The following SENP7 variants were observed in gnomAD, a reference collection of about 807,000 sequenced individuals.
SENP7 encodes the protein SUMO specific peptidase 7, also known as sentrin-specific protease 7.
A neutral mutation model predicts 141.2 loss-of-function variants in SENP7; 64 were observed. That is an observed-to-expected ratio of 0.45 (90% CI 0.37 to 0.56). The LOEUF (loss-of-function observed/expected upper bound fraction) is 0.56, where lower values mean the gene tolerates loss of function less well. Among genes scored for constraint, SENP7 ranks in the 20% least tolerant of loss-of-function variants. SENP7 has a pLI of 0.00. For synonymous variants in SENP7, 382 were observed against 426.4 expected, an observed-to-expected ratio of 0.90 and a Z score of 1.28; for missense variants, 1,025 against 1,212.2, an observed-to-expected ratio of 0.85 and a Z score of 2.29.
At chr3:101,437,512 CA>C (rs1445329928) in intron 4 of SENP7, among the ~76,000 whole-genome samples, 3 of 151,604 alleles carry the variant, frequency 2.0e-5, no homozygotes, top group African/African-American at 7.3e-5. Context: ...TATGTACCCA[CA>C]AAAAAATTTT....
chr3:101,437,512 C>T (rs7648141), intron 4 of SENP7, among the ~76,000 whole-genome samples: 1 of 151,604 alleles, frequency 6.6e-6, no homozygotes, highest in African/African-American at 2.4e-5. Flanking sequence ...TATGTACCCA[C>T]AAAAAAATTT....
chr3:101,357,642 G>T, intron 11 of SENP7: 1 of 785,302 alleles, frequency 1.3e-6, no homozygotes, highest in Non-Finnish European at 2.2e-6. Context: ...GGTTATAATG[G>T]ACTTAACCAA....
chr3:101,476,176 G>A (rs2064206280), intron 3 of SENP7, among the ~76,000 whole-genome samples: 1 of 152,062 alleles, frequency 6.6e-6, no homozygotes, highest in African/African-American at 2.4e-5. Context: ...AAGTATACAT[G>A]TGCCATGGTG....
In SENP7 at chr3:101,417,862, A is replaced by G. The variant is rs60767223; in HGVS notation, c.285-72T>C. 3.1e-3 allele frequency: 3,701 copies of G among 1,209,942 alleles called. 77 individuals carry two copies. The East Asian group carries it at 0.049, about 16-fold the overall frequency. The allele number at this position is 1,209,942 out of a possible 1,614,324, so 75.0% of individuals were successfully genotyped here. A position where few individuals can be genotyped will look rare whatever the true frequency, so the allele number is the denominator to read the frequency against. ...GAATACATGAATTCATCACAAACTA[A>G]TATCTCCAGAAACTGTAAACTTCAG... On this transcript the variant is annotated intron_variant, in intron 4 of 23. Transcript: ENST00000394095.
At chr3:101,486,084 A>G (rs2064715622) in intron 3 of SENP7, among the ~76,000 whole-genome samples, 1 of 152,184 alleles carries the variant, frequency 6.6e-6, no homozygotes, top group Non-Finnish European at 1.5e-5. Flanking sequence ...AGAAAATATG[A>G]ACAGAGTCTC....
intron 5 of SENP7, among the ~76,000 whole-genome samples, chr3:101,399,423 G>C: frequency 6.6e-6 from 1 of 152,090 alleles, no homozygotes; most frequent in South Asian, 2.1e-4. Flanking sequence ...AGAAATCTTT[G>C]TTCTTCTCAT....
chr3:101,413,187 ATCTT>A (rs767288862), intron 5 of SENP7, among the ~76,000 whole-genome samples: 6 of 152,186 alleles, frequency 3.9e-5, no homozygotes, highest in Non-Finnish European at 5.9e-5. Context: ...TCTCCCTCTT[ATCTT>A]TCTAAAATTT....
At chr3:101,365,887 G>C (rs1283889353) in intron 9 of SENP7, among the ~76,000 whole-genome samples, 1 of 152,098 alleles carries the variant, frequency 6.6e-6, no homozygotes, top group East Asian at 1.9e-4. Context: ...ACAAATTCTA[G>C]TTCTAACAGT....
intron 11 of SENP7, 54 bp downstream of exon 11, chr3:101,361,660 TA>T: frequency 6.9e-7 from 1 of 1,449,290 alleles, no homozygotes. Flanking sequence ...GGAAAAAAAT[TA>T]AAATGCCTTG....
chr3:101,373,680 C>T (rs2060240963), intron 6 of SENP7, among the ~76,000 whole-genome samples: 1 of 152,048 alleles, frequency 6.6e-6, no homozygotes, highest in Non-Finnish European at 1.5e-5. Context: ...TGGCATGAAA[C>T]CAAAAATAAA....
chr3:101,357,051 A>T (rs561555892), intron 11 of SENP7, among the ~76,000 whole-genome samples: 2 of 151,792 alleles, frequency 1.3e-5, no homozygotes, highest in African/African-American at 4.8e-5. Flanking sequence ...CCCAGGCTGG[A>T]GTGCAATGGC....
intron 4 of SENP7, among the ~76,000 whole-genome samples, chr3:101,453,426 T>C (rs1041633983): frequency 4.1e-4 from 62 of 152,360 alleles, no homozygotes; most frequent in African/African-American, 1.2e-3. Context: ...CCTATGTTTA[T>C]TGCAGCACTA....
intron 6 of SENP7, among the ~76,000 whole-genome samples, chr3:101,372,898 T>G (rs905630385): frequency 6.6e-6 from 1 of 152,004 alleles, no homozygotes; most frequent in African/African-American, 2.4e-5. Flanking sequence ...ATCTGAGTGA[T>G]ATGTATTGGC....
At chr3:101,355,064 A>C (rs1237132440) in intron 11 of SENP7, among the ~76,000 whole-genome samples, 1 of 151,860 alleles carries the variant, frequency 6.6e-6, no homozygotes, top group Admixed American at 6.6e-5. Context: ...ACTTTTTCAT[A>C]GGGTTGTTTT....
intron 1 of SENP7, among the ~76,000 whole-genome samples, chr3:101,507,414 T>A (rs1387560481): frequency 6.6e-6 from 1 of 152,206 alleles, no homozygotes; most frequent in Admixed American, 6.5e-5. Flanking sequence ...ATCACCTTCT[T>A]ATTATCACAC....
chr3:101,346,410 AT>A (rs1414738114), intron 13 of SENP7, among the ~76,000 whole-genome samples: 97 of 152,354 alleles, frequency 6.4e-4, no homozygotes, highest in African/African-American at 2.2e-3. Context: ...ACTACTGGGT[AT>A]CTACCCAGAG....
chr3:101,328,471 T>C lies in SENP7; in HGVS notation c.2864+7A>G, dbSNP rs202017992. On this transcript the variant is annotated splice_region_variant and intron_variant, in intron 22 of 23. Transcript: ENST00000394095. ...CAGACTGGAATGGTAAAATTGTCATTACTTACTCTCGTAAATTCTGAACTG... is the reference window on the plus strand; with the variant it reads ...CAGACTGGAATGGTAAAATTGTCATCACTTACTCTCGTAAATTCTGAACTG... The C allele has an allele frequency of 1.9e-6, 3 of 1,607,632 alleles. No homozygotes were observed. Among genetic ancestry groups the C allele is most frequent in the East Asian group, 2.2e-5 (1 of 44,692 alleles).
At chr3:101,504,296 C>CA (rs11454023) in intron 1 of SENP7, among the ~76,000 whole-genome samples, 57,811 of 142,342 alleles carry the variant, frequency 0.41, 11,638 homozygotes, top group Admixed American at 0.54. Flanking sequence ...ATTAAAAATA[C>CA]AAAAAAAAAA....
rs1230611056 is a variant in SENP7, at chr3:101,482,753, T to C, written c.186+11120A>G. ...CACTATGGTGACCTATCTTTTTATT[T>C]TTTTTAATAAATAGATCAAAGAAAC... On this transcript the variant is annotated intron_variant, in intron 3 of 23. Coordinates refer to ENST00000394095, the MANE Select transcript of SENP7 (RefSeq NM_020654.5). Among the ~76,000 whole-genome samples the C allele has an allele frequency of 2.0e-5, 3 of 152,176 alleles. No individual in the cohort carries two copies. The East Asian group carries it at 5.8e-4, about 29-fold the overall frequency.
Sources: gnomAD v4.1 joint callset for allele counts (sites outside exome capture counted in the v4.1 genomes callset) on GRCh38, gnomAD v4.1.1 for gene constraint, MANE v1.5 for transcripts, NCBI Gene and HGNC (gene_info 2026-07-23, HGNC 2026-07-21) for gene names.